ARFGEF1: variants seen among roughly 807,000 people sequenced by gnomAD.
ARFGEF1 encodes the protein brefeldin A-inhibited guanine nucleotide-exchange protein 1.
ARFGEF1 carries 42 observed loss-of-function variants against 231.0 expected under a neutral mutation model. The observed-to-expected ratio is 0.18, with a 90% CI of 0.14 to 0.24. ARFGEF1 has a LOEUF of 0.24. ARFGEF1 is among the 10% of genes least tolerant of loss of function. The pLI is 1.00. For missense variants in ARFGEF1, 1,345 were observed against 2,192.0 expected (o/e 0.61, Z 7.72); for synonymous variants, 710 against 732.3 (o/e 0.97, Z 0.49).
intron 5 of ARFGEF1, among the ~76,000 whole-genome samples, chr8:67,177,022 G>A (rs1034188273): frequency 7.4e-6 from 1 of 134,732 alleles, no homozygotes; most frequent in East Asian, 2.3e-4. Context: ...AGAGAGCCAA[G>A]ATCGTGCCAC....
chr8:67,244,332 T>TTTGTAC (rs1840038098), intron 19 of ARFGEF1, among the ~76,000 whole-genome samples: 1 of 132,620 alleles, frequency 7.5e-6, no homozygotes, highest in African/African-American at 3.2e-5. Flanking sequence ...TTTTTTTTTT[T>TTTGTAC]TGAGGATCTC....
intron 23 of ARFGEF1, among the ~76,000 whole-genome samples, chr8:67,231,251 C>T (rs1839543099): frequency 6.6e-6 from 1 of 152,000 alleles, no homozygotes; most frequent in Non-Finnish European, 1.5e-5. Context: ...AAGAATAATA[C>T]AACATTATAA....
chr8:67,228,491 T>A (rs1839451477), intron 23 of ARFGEF1, among the ~76,000 whole-genome samples: 1 of 151,922 alleles, frequency 6.6e-6, no homozygotes, highest in South Asian at 2.1e-4. Context: ...TCAATATTAT[T>A]ATTAGGGTAA....
downstream of ARFGEF1, chr8:67,196,052 AATTAATT>A (rs976460086): frequency 7.8e-6 from 1 of 127,596 alleles, no homozygotes; most frequent in Admixed American, 7.4e-5. Flanking sequence ...ATGTCCTATT[AATTAATT>A]ATTATTTCAT....
In ARFGEF1 at chr8:67,343,375, G is replaced by A. The variant is rs1587363422; in HGVS notation, c.-88C>T. 15 of 1,423,992 alleles carry A rather than the reference G, an allele frequency of 1.1e-5. No individual in the cohort carries two copies. The East Asian group carries it at 3.1e-4, about 30-fold the overall frequency. The allele number at this position is 1,423,992 out of a possible 1,614,324, so 88.2% of individuals were successfully genotyped here. ...GGAGGAGAGGAAGGAAGAGAAGAGA[G>A]AAAGGAGAGGGGGTGGAGGTGGGGG... On this transcript the variant is annotated 5_prime_UTR_variant, in exon 1 of 39. Coordinates refer to ENST00000262215, the MANE Select transcript of ARFGEF1 (RefSeq NM_006421.5).
At position 67,258,099 on chromosome 8, in the gene ARFGEF1, T is replaced by C; in HGVS notation, c.2427A>G (p.Leu809=). 6.2e-7 allele frequency: 1 copy of C among 1,613,148 alleles called. No homozygotes were observed. Among genetic ancestry groups the C allele is most frequent in the Non-Finnish European group, 8.5e-7 (1 of 1,179,148 alleles). Residue 809 remains leucine, a synonymous_variant, in exon 16 of 39, where the codon CTA becomes CTG. Coordinates refer to ENST00000262215, the MANE Select transcript of ARFGEF1 (RefSeq NM_006421.5). ...ACCTTATTTACCCTTGGTTGCATTC[T>C]AGGTATCTTGCAGCAAATTTTTCCA... The part of the protein sequence containing the change: ...RLMEKFAARY[L]ECNQGQTLFA...
chr8:67,209,309 TGA>T (rs1309204033), intron 34 of ARFGEF1, among the ~76,000 whole-genome samples: 5 of 152,168 alleles, frequency 3.3e-5, no homozygotes, highest in Non-Finnish European at 5.9e-5. Flanking sequence ...GAAAACACTG[TGA>T]GAGAAGACAG....
At chr8:67,243,035 A>C (rs1015722297) in intron 19 of ARFGEF1, among the ~76,000 whole-genome samples, 6 of 152,136 alleles carry the variant, frequency 3.9e-5, no homozygotes, top group African/African-American at 1.4e-4. Flanking sequence ...AAGGTTTCTG[A>C]CTCATGTCCC....
In ARFGEF1 at chr8:67,178,669, A is replaced by G. The variant is rs181686809; in HGVS notation, c.561-3097T>C. On this transcript the variant is annotated intron_variant, in intron 5 of 5. Transcript: ENST00000518789. ...GAGTAAGGACATCAGGGAGGTGTCT[A>G]TGGGAAATGTGGGGGAACTTCTGGA... 1.8e-3 allele frequency among the ~76,000 whole-genome samples: 277 copies of G among 152,264 alleles called. 3 individuals carry two copies. The highest frequency in any genetic ancestry group is 6.4e-3 in the African/African-American group (268 of 41,564).
At chr8:67,289,166 G>A (rs1487664344) in intron 6 of ARFGEF1, among the ~76,000 whole-genome samples, 2 of 151,924 alleles carry the variant, frequency 1.3e-5, no homozygotes, top group Non-Finnish European at 2.9e-5. Flanking sequence ...TCAAAATGCT[G>A]TCTTGAGCTA....
intron 30 of ARFGEF1, 38 bp downstream of exon 30, chr8:67,219,393 A>C: frequency 6.3e-7 from 1 of 1,586,468 alleles, no homozygotes. Flanking sequence ...GAATCTTTTA[A>C]CTTGACTAAG....
At chr8:67,174,960 C>A (rs1043644402), downstream of ARFGEF1, 2 of 229,846 alleles carry the variant, frequency 8.7e-6, no homozygotes. Context: ...AGCCATGTGA[C>A]CATCTGCTTG....
chr8:67,296,149 T>C (rs901927134), intron 5 of ARFGEF1, among the ~76,000 whole-genome samples: 3 of 152,214 alleles, frequency 2.0e-5, no homozygotes, highest in Non-Finnish European at 4.4e-5. Context: ...TTGAATGCAA[T>C]AAAAGTATTA....
intron 9 of ARFGEF1, among the ~76,000 whole-genome samples, chr8:67,275,574 A>G (rs1805278248): frequency 6.6e-6 from 1 of 152,094 alleles, no homozygotes; most frequent in African/African-American, 2.4e-5. Context: ...ATACAGGGTT[A>G]CATTAGCTCC....
At position 67,296,447 on chromosome 8, in the gene ARFGEF1, C is replaced by A; in HGVS notation, c.623G>T (p.Arg208Leu). 1 of 1,613,696 alleles carries A rather than the reference C, an allele frequency of 6.2e-7. No homozygotes were observed. Among genetic ancestry groups the A allele is most frequent in the Non-Finnish European group, 8.5e-7 (1 of 1,179,858 alleles). Residue 208 changes from arginine to leucine, a missense_variant, in exon 5 of 39, where the codon CGC becomes CTC. Arg to Leu is a moderately radical substitution (Grantham distance 102). Transcript: ENST00000262215. ...LTQMLNVIFA[R>L]MENQALQEAK... ...AATACTTACTGCTTGGTTTTCCATG[C>A]GTGCAAAGATAACATTTAGCATCTG...
chr8:67,277,927 T>C (rs1186410958), intron 7 of ARFGEF1, among the ~76,000 whole-genome samples: 4 of 152,332 alleles, frequency 2.6e-5, no homozygotes, highest in South Asian at 4.1e-4. Context: ...CCAAAATTTA[T>C]TGTACCATAA....
At position 67,291,981 on chromosome 8, in the gene ARFGEF1, T is replaced by C; in HGVS notation, c.782A>G (p.His261Arg). The C allele has an allele frequency of 6.2e-7, 1 of 1,614,020 alleles. No individual in the cohort carries two copies. Among genetic ancestry groups the C allele is most frequent in the Non-Finnish European group, 8.5e-7 (1 of 1,179,934 alleles). ...TGTATGGAGGTCAAGGTCCCCTTCGTGTTCTTGGGATATATGATCAACAGT... is the reference window on the plus strand; with the variant it reads ...TGTATGGAGGTCAAGGTCCCCTTCGCGTTCTTGGGATATATGATCAACAGT... The part of the protein sequence containing the change: ...PQTVDHISQE[H>R]EGDLDLHTND... Residue 261 changes from histidine (H) to arginine (R), a missense_variant, in exon 6 of 39, where the codon CAC (histidine) becomes CGC (arginine). His to Arg is a conservative substitution (Grantham distance 29, BLOSUM62 0). This residue lies in a region of ARFGEF1 where 398 missense variants were observed against 463.2 expected (regional missense o/e 0.86). Coordinates refer to ENST00000262215, the MANE Select transcript of ARFGEF1 (RefSeq NM_006421.5).
At chr8:67,241,219 A>G (rs895384648) in intron 19 of ARFGEF1, among the ~76,000 whole-genome samples, 1 of 152,184 alleles carries the variant, frequency 6.6e-6, no homozygotes, top group Non-Finnish European at 1.5e-5. Flanking sequence ...CAAAAAAAAC[A>G]TAAGTCATAG....
At chr8:67,270,375 G>C (rs1350669473) in intron 10 of ARFGEF1, among the ~76,000 whole-genome samples, 2 of 152,030 alleles carry the variant, frequency 1.3e-5, no homozygotes. Context: ...AGCTATTACA[G>C]AACATTAACA....
Sources: gnomAD v4.1 joint callset for allele counts (sites outside exome capture counted in the v4.1 genomes callset) on GRCh38, gnomAD v4.1.1 for gene constraint, gnomAD v4.1.1 regional missense constraint, MANE v1.5 for transcripts, NCBI Gene and HGNC (gene_info 2026-07-23, HGNC 2026-07-21) for gene names.